Variants in MEI1 observed in about 807,000 individuals in gnomAD.
MEI1 encodes meiotic double-stranded break formation protein 1.
A neutral mutation model predicts 146.2 loss-of-function variants in MEI1; 103 were observed. The observed-to-expected ratio is 0.70, with a 90% CI of 0.60 to 0.83. The LOEUF (loss-of-function observed/expected upper bound fraction) is 0.83, where lower values mean the gene tolerates loss of function less well. MEI1 is among the 40% of genes least tolerant of loss of function. The pLI, the probability that MEI1 is intolerant of heterozygous loss-of-function variation, is 0.00. For missense variants in MEI1, 1,529 were observed against 1,533.0 expected (o/e 1.00, Z 0.04); for synonymous variants, 652 against 628.2 (o/e 1.04, Z -0.57).
intron 26 of MEI1, among the ~76,000 whole-genome samples, chr22:41,785,234 A>T (rs576307036): frequency 7.4e-6 from 1 of 135,616 alleles, no homozygotes; most frequent in Non-Finnish European, 1.6e-5. Flanking sequence ...CGCGCCTGGC[A>T]TTTTTATTTT....
At position 41,709,858 on chromosome 22, in the gene MEI1, C is replaced by T. The variant is rs143205762; in HGVS notation, c.350-4144C>T. Among the ~76,000 whole-genome samples, 205 of 152,170 alleles carry T rather than the reference C, an allele frequency of 1.3e-3. 2 individuals carry two copies. The highest frequency in any genetic ancestry group is 1.7e-3 in the Non-Finnish European group (116 of 68,002). On this transcript the variant is annotated intron_variant, in intron 3 of 30. Coordinates refer to ENST00000401548, the MANE Select transcript of MEI1 (RefSeq NM_152513.4). ...CAGATGATAGTCACAACTTCTAATT[C>T]AATGAAACCATTGTGTGACCTCTCA...
chr22:41,787,659 T>C (rs113944459), intron 26 of MEI1, among the ~76,000 whole-genome samples: 2 of 152,168 alleles, frequency 1.3e-5, no homozygotes, highest in African/African-American at 2.4e-5. Flanking sequence ...TTCTCCCTAA[T>C]GTTTCTAAAA....
rs752262157 is a variant in MEI1 at position 41,770,880 on chromosome 22, T to G, written c.2463T>G (p.Ala821=). ...SYEELDDVTS[A]GQPALPASLV... ...AGGAACTGGATGATGTCACCTCTGC[T>G]GGGCAGCCCGCCCTTCCTGCCAGCT... The change falls in exon 20 of 31, where the codon GCT becomes GCG. Residue 821 remains alanine, a synonymous_variant. Coordinates refer to ENST00000401548, the MANE Select transcript of MEI1 (RefSeq NM_152513.4). The G allele has an allele frequency of 1.2e-6, 2 of 1,614,062 alleles. No individual in the cohort carries two copies. Among genetic ancestry groups the G allele is most frequent in the Non-Finnish European group, 8.5e-7 (1 of 1,179,906 alleles).
In MEI1 at chr22:41,770,787, A is replaced by G. The variant is rs554647624; in HGVS notation, c.2370A>G (p.Pro790=). ...PLLLRFFLLY[P]ELMSRYGHRV... ...TGCTCAGGTTCTTTCTGTTGTATCC[A>G]GAGCTCATGAGTAGGTATGGGCACC... The change falls in exon 20 of 31, where the codon CCA becomes CCG. Residue 790 remains proline (P), a synonymous_variant. Coordinates refer to ENST00000401548, the MANE Select transcript of MEI1 (RefSeq NM_152513.4). 4 of 1,613,942 alleles carry G rather than the reference A, an allele frequency of 2.5e-6. No individual in the cohort carries two copies. The South Asian group carries it at 4.4e-5, about 18-fold the overall frequency.
intron 22 of MEI1, among the ~76,000 whole-genome samples, chr22:41,780,054 C>T (rs74426941): frequency 0.051 from 7,753 of 152,178 alleles, 626 homozygotes; most frequent in African/African-American, 0.18. Context: ...CCACTGGGGA[C>T]GCATTGCAGA....
At chr22:41,714,635 C>G (rs946292496) in intron 4 of MEI1, among the ~76,000 whole-genome samples, 1 of 151,664 alleles carries the variant, frequency 6.6e-6, no homozygotes, top group East Asian at 1.9e-4. Flanking sequence ...CTTTGGGAGG[C>G]TGAGGTGGGT....
chr22:41,799,406 T>C lies in MEI1; in HGVS notation c.*107T>C, dbSNP rs139561. 205,310 of 1,045,626 alleles carry C rather than the reference T, an allele frequency of 0.2. 24,367 individuals are homozygous for C. The highest frequency in any genetic ancestry group is 0.47 in the Admixed American group (23,614 of 50,028). 64.8% of individuals were successfully genotyped at this position (1,045,626 alleles called of 1,614,324 possible). ...AGCTGAAGCTATTCATATGGAGCCA[T>C]ATACTCTATTGTTGAAATAGAATAA... is the stretch of plus-strand genomic sequence containing the variant. On this transcript the variant is annotated 3_prime_UTR_variant, in exon 31 of 31. Transcript: ENST00000401548.
At chr22:41,707,970 C>T (rs2069224920) in intron 3 of MEI1, among the ~76,000 whole-genome samples, 1 of 152,214 alleles carries the variant, frequency 6.6e-6, no homozygotes, top group Non-Finnish European at 1.5e-5. Flanking sequence ...ACACCCTTCT[C>T]CACATATTTG....
intron 2 of MEI1, among the ~76,000 whole-genome samples, chr22:41,704,691 G>C (rs2068952520): frequency 6.6e-6 from 1 of 152,090 alleles, no homozygotes; most frequent in South Asian, 2.1e-4. Flanking sequence ...TAGGATTACA[G>C]GCATGAGCCA....
At chr22:41,790,190 C>T (rs1602175887) in intron 26 of MEI1, among the ~76,000 whole-genome samples, 2 of 152,130 alleles carry the variant, frequency 1.3e-5, no homozygotes, top group Non-Finnish European at 2.9e-5. Flanking sequence ...GCAAGAGATT[C>T]TCGTGCCTCA....
At chr22:41,789,570 C>G (rs761040592) in intron 26 of MEI1, among the ~76,000 whole-genome samples, 1 of 152,176 alleles carries the variant, frequency 6.6e-6, no homozygotes, top group Non-Finnish European at 1.5e-5. Flanking sequence ...GTGCAACTTT[C>G]ACCATCATCC....
chr22:41,707,094 T>C (rs188451681), intron 3 of MEI1, among the ~76,000 whole-genome samples: 2 of 151,174 alleles, frequency 1.3e-5, no homozygotes, highest in African/African-American at 4.9e-5. Flanking sequence ...TCCCAGCTAC[T>C]TGGGAGGCAG....
At chr22:41,799,216 C>T in intron 30 of MEI1, 38 bp from the exon 31 acceptor site, 1 of 1,609,816 alleles carries the variant, frequency 6.2e-7, no homozygotes, top group South Asian at 1.1e-5. Context: ...TGGTTGGCCC[C>T]ACTTCTCTGC....
intron 3 of MEI1, among the ~76,000 whole-genome samples, chr22:41,706,481 C>A (rs1351879426): frequency 2.0e-5 from 3 of 152,130 alleles, no homozygotes; most frequent in Non-Finnish European, 2.9e-5. Context: ...GTTACAAAGG[C>A]ACATACAAAA....
At position 41,799,336 on chromosome 22, in the gene MEI1, T is replaced by A; in HGVS notation, c.*37T>A. 1.2e-6 allele frequency: 2 copies of A among 1,603,370 alleles called. No homozygotes were observed. The highest frequency in any genetic ancestry group is 1.7e-6 in the Non-Finnish European group (2 of 1,171,048). On this transcript the variant is annotated 3_prime_UTR_variant, in exon 31 of 31. Transcript: ENST00000401548. ...TGAAGGCCCAGAAGTGGAGAGAGAATGAGACCTGGAGACAAAGGGCATAAT... is the reference window on the plus strand; with the variant it reads ...TGAAGGCCCAGAAGTGGAGAGAGAAAGAGACCTGGAGACAAAGGGCATAAT...
At chr22:41,767,266 T>A (rs1202270898) in intron 19 of MEI1, among the ~76,000 whole-genome samples, 1 of 152,214 alleles carries the variant, frequency 6.6e-6, no homozygotes, top group African/African-American at 2.4e-5. Context: ...AGAAGCAGGG[T>A]AACCTTGTAT....
At chr22:41,720,933 GGCTAA>G in intron 6 of MEI1, among the ~76,000 whole-genome samples, 1 of 151,830 alleles carries the variant, frequency 6.6e-6, no homozygotes. Flanking sequence ...CACCACGCCC[GGCTAA>G]TTTTTTGAAT....
intron 16 of MEI1, 117 bp downstream of exon 16, chr22:41,752,768 AG>A: frequency 3.4e-6 from 3 of 874,760 alleles, no homozygotes; most frequent in Non-Finnish European, 5.6e-6. Context: ...GTGTTGACAT[AG>A]TGTCAGCATT....
At chr22:41,775,958 A>G (rs2075417374) in intron 20 of MEI1, 144 bp from the exon 21 acceptor site, 3 of 745,796 alleles carry the variant, frequency 4.0e-6, no homozygotes, top group South Asian at 1.8e-5. Flanking sequence ...CCTTTGGTAC[A>G]TAATAGGTGC....
Sources: allele counts gnomAD v4.1 joint callset (sites outside exome capture counted in the v4.1 genomes callset), GRCh38; gene constraint gnomAD v4.1.1; transcripts MANE v1.5; gene names NCBI Gene and HGNC (gene_info 2026-07-23, HGNC 2026-07-21).